SIK3: variants seen among roughly 807,000 people sequenced by gnomAD.
SIK3 encodes SIK family kinase 3.
In SIK3, 28 loss-of-function variants were observed where a neutral mutation model predicts 144.2. The observed-to-expected ratio is 0.19, with a 90% confidence interval of 0.14 to 0.27. SIK3 has a LOEUF of 0.27. SIK3 is among the 10% of genes least tolerant of loss of function. The probability of loss-of-function intolerance (pLI) is 1.00; values close to 1 mark genes in which losing one functional copy is unlikely to be tolerated. For missense variants in SIK3, 1,319 were observed against 1,776.0 expected, an observed-to-expected ratio of 0.74 and a Z score of 4.62; for synonymous variants, 686 against 676.3, an observed-to-expected ratio of 1.01 and a Z score of -0.22.
chr11:116,963,026 C>T (rs1949404046), intron 1 of SIK3, among the ~76,000 whole-genome samples: 1 of 152,184 alleles, frequency 6.6e-6, no homozygotes, highest in African/African-American at 2.4e-5. Flanking sequence ...TTGAAAATGA[C>T]TTCTGAAATC....
At chr11:116,902,177 AGTTT>A (rs1945770015) in intron 4 of SIK3, among the ~76,000 whole-genome samples, 2 of 152,188 alleles carry the variant, frequency 1.3e-5, no homozygotes, top group African/African-American at 4.8e-5. Context: ...AGAATCATGG[AGTTT>A]TTTGTTTGTG....
chr11:116,990,509 G>A (rs1389356268), intron 1 of SIK3, among the ~76,000 whole-genome samples: 1 of 152,152 alleles, frequency 6.6e-6, no homozygotes, highest in Non-Finnish European at 1.5e-5. Context: ...TAGTATAACA[G>A]TGCAAATTAC....
intron 4 of SIK3, among the ~76,000 whole-genome samples, chr11:116,899,517 A>G (rs1344566659): frequency 6.6e-6 from 1 of 152,232 alleles, no homozygotes; most frequent in Non-Finnish European, 1.5e-5. Context: ...TGACATTATT[A>G]TAATTAAGTA....
Position 116,919,120 on chromosome 11 carries a change from T to C in SIK3, c.616+8099A>G, listed in dbSNP as rs1008531080. 1.3e-5 allele frequency among the ~76,000 whole-genome samples: 2 copies of C among 152,200 alleles called. 1 individual carries two copies. The highest frequency in any genetic ancestry group is 1.3e-4 in the Admixed American group (2 of 15,286). ...TCATGAAATACAATTTAGATTGATA[T>C]AATGAGTATTGCATAACTACTTCCT... On this transcript the variant is annotated intron_variant, in intron 4 of 24. Coordinates refer to ENST00000445177, the MANE Select transcript of SIK3 (RefSeq NM_001366686.3).
At chr11:117,023,927 C>T (rs533955039) in intron 1 of SIK3, among the ~76,000 whole-genome samples, 31 of 152,154 alleles carry the variant, frequency 2.0e-4, no homozygotes, top group African/African-American at 7.0e-4. Flanking sequence ...GATTCACCTG[C>T]GTTAGCCTCC....
intron 1 of SIK3, among the ~76,000 whole-genome samples, chr11:116,983,002 A>C (rs965829942): frequency 1.3e-5 from 2 of 150,394 alleles, no homozygotes; most frequent in South Asian, 2.1e-4. Context: ...CTGAATATCT[A>C]ATCTACTATA....
At chr11:117,036,423 G>A (rs775426859) in intron 1 of SIK3, among the ~76,000 whole-genome samples, 21 of 152,116 alleles carry the variant, frequency 1.4e-4, no homozygotes, top group Non-Finnish European at 2.8e-4. Context: ...GTCAGAACTT[G>A]TGAAGAAAGA....
chr11:116,936,184 T>C (rs534907282), intron 3 of SIK3, among the ~76,000 whole-genome samples: 4 of 152,318 alleles, frequency 2.6e-5, no homozygotes, highest in African/African-American at 9.6e-5. Flanking sequence ...TTCTCTTTGT[T>C]TGTTTGCATT....
intron 1 of SIK3, among the ~76,000 whole-genome samples, chr11:116,966,806 T>C (rs777898723): frequency 6.6e-6 from 1 of 151,476 alleles, no homozygotes; most frequent in African/African-American, 2.4e-5. Context: ...TTGAGATCAG[T>C]CTGGCCAACA....
At chr11:117,070,653 C>T (rs1954225412) in intron 1 of SIK3, among the ~76,000 whole-genome samples, 1 of 151,924 alleles carries the variant, frequency 6.6e-6, no homozygotes, top group Non-Finnish European at 1.5e-5. Context: ...GCCATGTTGG[C>T]CAGGCTGGTC....
intron 1 of SIK3, among the ~76,000 whole-genome samples, chr11:117,086,833 A>G (rs1474170765): frequency 6.6e-6 from 1 of 152,020 alleles, no homozygotes; most frequent in African/African-American, 2.4e-5. Flanking sequence ...CGTCTCTACT[A>G]AAAATACAAA....
intron 1 of SIK3, among the ~76,000 whole-genome samples, chr11:117,075,786 G>A (rs984612966): frequency 7.1e-6 from 1 of 140,290 alleles, no homozygotes; most frequent in African/African-American, 2.7e-5. Flanking sequence ...CTTATGATCT[G>A]CCCACATTGG....
intron 1 of SIK3, among the ~76,000 whole-genome samples, chr11:117,075,074 T>C (rs899221916): frequency 1.3e-5 from 2 of 152,178 alleles, no homozygotes; most frequent in South Asian, 2.1e-4. Flanking sequence ...TTACTATAAT[T>C]TGTGTTAAAA....
At chr11:116,996,450 A>G (rs1022392272) in intron 1 of SIK3, among the ~76,000 whole-genome samples, 6 of 152,246 alleles carry the variant, frequency 3.9e-5, no homozygotes, top group Non-Finnish European at 8.8e-5. Flanking sequence ...TGTGGCCAGA[A>G]AAATATCAAT....
At chr11:117,059,761 C>T (rs1953712113) in intron 1 of SIK3, among the ~76,000 whole-genome samples, 1 of 152,174 alleles carries the variant, frequency 6.6e-6, no homozygotes, top group Non-Finnish European at 1.5e-5. Flanking sequence ...AGATGCTAAA[C>T]ATCATATGTT....
intron 1 of SIK3, among the ~76,000 whole-genome samples, chr11:116,988,902 T>TG (rs1950410240): frequency 6.6e-6 from 1 of 151,176 alleles, no homozygotes; most frequent in Non-Finnish European, 1.5e-5. Context: ...GAAGACAACA[T>TG]ATGCCCTGTA....
At chr11:117,020,965 G>A (rs976811356) in intron 1 of SIK3, among the ~76,000 whole-genome samples, 3 of 152,166 alleles carry the variant, frequency 2.0e-5, no homozygotes, top group Admixed American at 6.6e-5. Context: ...TGAAGACTGG[G>A]GACAGACTTG....
Position 116,942,173 on chromosome 11 carries a change from A to T in SIK3, c.454+11871T>A, listed in dbSNP as rs140351476. Among the ~76,000 whole-genome samples, 540 of 152,324 alleles carry T rather than the reference A, an allele frequency of 3.5e-3. 2 individuals are homozygous for T. Among genetic ancestry groups the T allele is most frequent in the Non-Finnish European group, 4.9e-3 (334 of 68,016 alleles). ...CTAAGATGTTATTAAATAACATGCA[A>T]ATTCCATGCTTGACTTAGTTATATT... On this transcript the variant is annotated intron_variant, in intron 3 of 24. Coordinates refer to ENST00000445177, the MANE Select transcript of SIK3 (RefSeq NM_001366686.3).
At chr11:117,060,597 CAAAAA>C (rs367663538) in intron 1 of SIK3, among the ~76,000 whole-genome samples, 1 of 96,896 alleles carries the variant, frequency 1.0e-5, no homozygotes. Context: ...AACTCCATCT[CAAAAA>C]AAAAAAAAAA....
Sources: allele counts gnomAD v4.1 joint callset (sites outside exome capture counted in the v4.1 genomes callset), GRCh38; gene constraint gnomAD v4.1.1; transcripts MANE v1.5; gene names NCBI Gene and HGNC (gene_info 2026-07-23, HGNC 2026-07-21).